Variants in PGCKA1 observed in about 807,000 individuals in gnomAD.
The protein encoded by PGCKA1 is PDCD10 and GCKIII kinases associated 1, also known as PDCD10 and GCKIII kinases-associated protein 1.
the PGCKA1 span, among the ~76,000 whole-genome samples, chr4:37,566,581 A>C: frequency 1.4e-5 from 2 of 142,026 alleles, no homozygotes; most frequent in Non-Finnish European, 3.0e-5. Flanking sequence ...CTTGTTTCTG[A>C]GGCTTTTTAT....
the PGCKA1 span, among the ~76,000 whole-genome samples, chr4:37,546,791 G>A: frequency 3.9e-5 from 6 of 152,208 alleles, no homozygotes; most frequent in African/African-American, 9.6e-5. Flanking sequence ...TGAGTGACGC[G>A]ATCCAAAGAC....
the PGCKA1 span, among the ~76,000 whole-genome samples, chr4:37,525,708 G>A: frequency 6.6e-6 from 1 of 152,150 alleles, no homozygotes; most frequent in Non-Finnish European, 1.5e-5. Flanking sequence ...GCAGGATACA[G>A]GACCAATCCA....
At chr4:37,572,064 T>TTTTTTTC in the PGCKA1 span, among the ~76,000 whole-genome samples, 8 of 72,582 alleles carry the variant, frequency 1.1e-4, no homozygotes, top group African/African-American at 3.5e-4. Context: ...TTTTTTTTTC[T>TTTTTTTC]TTTTTTTTTT....
At chr4:37,485,905 G>A in the PGCKA1 span, among the ~76,000 whole-genome samples, 4 of 152,108 alleles carry the variant, frequency 2.6e-5, no homozygotes, top group South Asian at 4.1e-4. Context: ...AACTTGGTAG[G>A]CATGGGTTAT....
chr4:37,470,535 T>C, the PGCKA1 span, among the ~76,000 whole-genome samples: 1 of 152,210 alleles, frequency 6.6e-6, no homozygotes, highest in African/African-American at 2.4e-5. Context: ...TCATTGGTGA[T>C]GGCTTTTCTT....
chr4:37,590,447 C>A, the PGCKA1 span: 1 of 1,610,814 alleles, frequency 6.2e-7, no homozygotes, highest in Admixed American at 1.7e-5. Flanking sequence ...AATACTGTTC[C>A]CCCAACTCAA....
chr4:37,551,495 C>T, the PGCKA1 span, among the ~76,000 whole-genome samples: 8 of 152,160 alleles, frequency 5.3e-5, no homozygotes, highest in East Asian at 1.9e-4. Flanking sequence ...TATTCTGGCC[C>T]GGCAAAAAAA....
At chr4:37,557,180 CA>C in the PGCKA1 span, among the ~76,000 whole-genome samples, 2 of 152,176 alleles carry the variant, frequency 1.3e-5, no homozygotes, top group African/African-American at 4.8e-5. Context: ...TTCTATACAT[CA>C]TAAACAAAGA....
chr4:37,477,178 G>A, the PGCKA1 span, among the ~76,000 whole-genome samples: 4 of 152,096 alleles, frequency 2.6e-5, no homozygotes, highest in East Asian at 1.9e-4. Flanking sequence ...AAAATAATAC[G>A]TGATACATCC....
the PGCKA1 span, among the ~76,000 whole-genome samples, chr4:37,570,903 C>G: frequency 6.6e-6 from 1 of 152,236 alleles, no homozygotes; most frequent in Non-Finnish European, 1.5e-5. Context: ...TCTCCCATTT[C>G]TCCGAGCTCC....
chr4:37,547,672 A>T, the PGCKA1 span, among the ~76,000 whole-genome samples: 1 of 152,142 alleles, frequency 6.6e-6, no homozygotes, highest in Non-Finnish European at 1.5e-5. Context: ...CCACACATAG[A>T]CAATTACACC....
chr4:37,495,655 A>T, the PGCKA1 span, among the ~76,000 whole-genome samples: 1 of 152,176 alleles, frequency 6.6e-6, no homozygotes, highest in African/African-American at 2.4e-5. Context: ...TGGGAGTTCA[A>T]CAGTTAGAAC....
the PGCKA1 span, among the ~76,000 whole-genome samples, chr4:37,464,453 AATGTGTGTCTACCTAGCAC>A: frequency 1.3e-5 from 2 of 152,206 alleles, no homozygotes; most frequent in Non-Finnish European, 2.9e-5. Flanking sequence ...TACTTCCTCT[AATGTGTGTCTACCTAGCAC>A]AGCCCGCCCT....
chr4:37,541,820 G>A, the PGCKA1 span, among the ~76,000 whole-genome samples: 1,710 of 152,190 alleles, frequency 0.011, 41 homozygotes, highest in African/African-American at 0.038. Flanking sequence ...AAGTTCAAGA[G>A]GCCGAAAAAG....
At chr4:37,522,202 G>A in the PGCKA1 span, among the ~76,000 whole-genome samples, 1 of 152,102 alleles carries the variant, frequency 6.6e-6, no homozygotes, top group Non-Finnish European at 1.5e-5. Context: ...GTTCAAAGGT[G>A]CCATCTGGAA....
At chr4:37,564,951 C>G in the PGCKA1 span, among the ~76,000 whole-genome samples, 10 of 152,106 alleles carry the variant, frequency 6.6e-5, no homozygotes, top group East Asian at 1.9e-3. Flanking sequence ...AAGATTCCAC[C>G]CCGTACACAC....
At chr4:37,480,322 G>A in the PGCKA1 span, among the ~76,000 whole-genome samples, 5 of 152,112 alleles carry the variant, frequency 3.3e-5, no homozygotes, top group Admixed American at 6.5e-5. Flanking sequence ...GTGAAACCTC[G>A]TCTCTACTAA....
chr4:37,590,246 C>T, the PGCKA1 span: 1 of 1,614,212 alleles, frequency 6.2e-7, no homozygotes, highest in Non-Finnish European at 8.5e-7. Flanking sequence ...TCAAAGAAGA[C>T]TGAGAGCAGC....
the PGCKA1 span, among the ~76,000 whole-genome samples, chr4:37,477,190 T>C: frequency 6.6e-6 from 1 of 152,190 alleles, no homozygotes; most frequent in Non-Finnish European, 1.5e-5. Context: ...GATACATCCA[T>C]AGAGTAGACT....
Sources: allele counts gnomAD v4.1 joint callset (sites outside exome capture counted in the v4.1 genomes callset), GRCh38; gene constraint gnomAD v4.1.1; transcripts MANE v1.5; gene names NCBI Gene and HGNC (gene_info 2026-07-23, HGNC 2026-07-21).